CCDC15: variants seen among roughly 807,000 people sequenced by gnomAD.
CCDC15 encodes coiled-coil domain-containing protein 15.
A neutral mutation model predicts 114.5 loss-of-function variants in CCDC15; 105 were observed. The ratio of observed to expected loss-of-function variants is 0.92; its 90% CI spans 0.78 to 1.08. The LOEUF (loss-of-function observed/expected upper bound fraction) is 1.08. CCDC15 is among the 50% of genes least tolerant of loss of function. The pLI, the probability that CCDC15 is intolerant of heterozygous loss-of-function variation, is 0.00. For synonymous variants in CCDC15, 334 were observed against 377.8 expected, an observed-to-expected ratio of 0.88 and a Z score of 1.34; for missense variants, 1,105 against 1,093.6, an observed-to-expected ratio of 1.01 and a Z score of -0.15.
At chr11:124,986,960 G>A in intron 7 of CCDC15, 72 bp downstream of exon 7, 8 of 1,432,298 alleles carry the variant, frequency 5.6e-6, no homozygotes, top group African/African-American at 1.4e-5. Context: ...TACTGATTTA[G>A]GATTGTAGAT....
chr11:124,997,471 T>C (rs1402174075), intron 11 of CCDC15, among the ~76,000 whole-genome samples: 1 of 152,054 alleles, frequency 6.6e-6, no homozygotes. Context: ...TATATTTTTG[T>C]AGAGACAGGG....
intron 13 of CCDC15, among the ~76,000 whole-genome samples, chr11:125,026,917 T>C (rs1055460038): frequency 3.3e-5 from 5 of 152,088 alleles, no homozygotes; most frequent in Non-Finnish European, 7.4e-5. Flanking sequence ...GCCCCAGAAG[T>C]CCATTCTATT....
In CCDC15 at chr11:124,987,245, A is replaced by C. The variant is rs754029758; in HGVS notation, c.1019A>C (p.Gln340Pro). 2.7e-5 allele frequency: 42 copies of C among 1,570,256 alleles called. No homozygotes were observed. Among genetic ancestry groups the C allele is most frequent in the Non-Finnish European group, 8.6e-7 (1 of 1,163,710 alleles). Residue 340 changes from glutamine (Q) to proline (P), a missense_variant, in exon 8 of 16, where the codon CAA (glutamine) becomes CCA (proline). Coordinates refer to ENST00000344762, the MANE Select transcript of CCDC15 (RefSeq NM_025004.3). ...GCCCAGGATTATTTTCTAGAAGCCC[A>C]AGGTGATTTGCTGGAAACCCAGGGT... ...PEAQDYFLEAQGDLLETQGDL... is the reference protein window; with the variant it reads ...PEAQDYFLEAPGDLLETQGDL...
chr11:124,999,698 T>C (rs1280580186), intron 11 of CCDC15, among the ~76,000 whole-genome samples: 1 of 152,074 alleles, frequency 6.6e-6, no homozygotes, highest in Non-Finnish European at 1.5e-5. Context: ...CTTTACCTCA[T>C]AGATAAAGTA....
intron 6 of CCDC15, among the ~76,000 whole-genome samples, chr11:124,981,952 T>G (rs1948079604): frequency 6.6e-6 from 1 of 152,188 alleles, no homozygotes; most frequent in African/African-American, 2.4e-5. Flanking sequence ...AAGAACTTGC[T>G]TTATGAATCT....
chr11:125,017,295 C>G (rs1948634876), intron 13 of CCDC15, among the ~76,000 whole-genome samples: 1 of 152,130 alleles, frequency 6.6e-6, no homozygotes, highest in African/African-American at 2.4e-5. Context: ...TGATCCCTGT[C>G]TTCAAGGATC....
rs1322965561 is a variant in CCDC15, at chr11:124,987,680, A to T, written c.1454A>T (p.His485Leu). The T allele has an allele frequency of 6.2e-7, 1 of 1,613,826 alleles. No homozygotes were observed. The highest frequency in any genetic ancestry group is 8.5e-7 in the Non-Finnish European group (1 of 1,179,858). Reference sequence around the variant, plus strand: ...CAGAATTTTTTATCTAGAGACCAGCATGTTCTCCCCAAAGACCAAGATATT... The same window carrying T: ...CAGAATTTTTTATCTAGAGACCAGCTTGTTCTCCCCAAAGACCAAGATATT... ...KDQNFLSRDQ[H>L]VLPKDQDILP... The change falls in exon 8 of 16, where the codon CAT becomes CTT. Residue 485 changes from histidine to leucine, a missense_variant. Coordinates refer to ENST00000344762, the MANE Select transcript of CCDC15 (RefSeq NM_025004.3).
At chr11:124,970,435 T>C (rs1205963140) in intron 4 of CCDC15, among the ~76,000 whole-genome samples, 1 of 152,222 alleles carries the variant, frequency 6.6e-6, no homozygotes, top group Non-Finnish European at 1.5e-5. Context: ...ACTTTTAATG[T>C]ATGGTATTTT....
intron 2 of CCDC15, 99 bp from the exon 3 acceptor site, chr11:124,959,016 C>T (rs1287401978): frequency 2.8e-6 from 2 of 705,322 alleles, no homozygotes; most frequent in Non-Finnish European, 4.3e-6. Context: ...TTATTTTTTT[C>T]AGGATTGTAT....
intron 13 of CCDC15, among the ~76,000 whole-genome samples, chr11:125,005,896 T>C (rs953621395): frequency 2.6e-5 from 4 of 152,200 alleles, no homozygotes; most frequent in African/African-American, 4.8e-5. Context: ...GCTTGATAGC[T>C]CATTTATTTT....
Position 124,988,092 on chromosome 11 carries a change from T to TC in CCDC15, c.1867dup (p.Leu623ProfsTer19). 4 of 1,613,780 alleles carry TC rather than the reference T, an allele frequency of 2.5e-6. No homozygotes were observed. The South Asian group carries it at 4.4e-5, about 18-fold the overall frequency. ...ATGTTCTCTCCAACGACCAGAATAT[T>TC]CTACCCAAATGTCAGGACCAAGATT... On this transcript the variant is annotated frameshift_variant, in exon 8 of 16. Transcript: ENST00000344762. LOFTEE classifies it high-confidence loss of function.
At chr11:124,993,590 G>A (rs1948308484) in intron 11 of CCDC15, among the ~76,000 whole-genome samples, 1 of 152,148 alleles carries the variant, frequency 6.6e-6, no homozygotes, top group African/African-American at 2.4e-5. Flanking sequence ...CGTGATATGA[G>A]AGATGAGAGA....
At chr11:125,000,791 G>A (rs1591602050) in intron 11 of CCDC15, among the ~76,000 whole-genome samples, 1 of 152,250 alleles carries the variant, frequency 6.6e-6, no homozygotes, top group East Asian at 1.9e-4. Context: ...CATAGTGGTT[G>A]TGTTATATAA....
At chr11:124,976,433 G>A (rs1352194491) in intron 5 of CCDC15, among the ~76,000 whole-genome samples, 1 of 152,006 alleles carries the variant, frequency 6.6e-6, no homozygotes, top group Non-Finnish European at 1.5e-5. Flanking sequence ...TCCCACGTGC[G>A]TTTATATGGT....
At chr11:124,996,772 C>T (rs531844864) in intron 11 of CCDC15, among the ~76,000 whole-genome samples, 4 of 152,288 alleles carry the variant, frequency 2.6e-5, no homozygotes, top group South Asian at 2.1e-4. Flanking sequence ...TGATTACTCT[C>T]GGTACCTCAT....
chr11:124,996,296 A>C (rs534809958), intron 11 of CCDC15, among the ~76,000 whole-genome samples: 5 of 152,266 alleles, frequency 3.3e-5, no homozygotes, highest in African/African-American at 1.2e-4. Flanking sequence ...CTGCACCCCC[A>C]TATTCTCAAC....
chr11:125,029,087 T>C (rs1948722434), intron 13 of CCDC15, among the ~76,000 whole-genome samples: 1 of 152,166 alleles, frequency 6.6e-6, no homozygotes, highest in African/African-American at 2.4e-5. Context: ...TAGGCCGGTC[T>C]TTCTTTTTAC....
intron 13 of CCDC15, among the ~76,000 whole-genome samples, chr11:125,014,547 C>A (rs1948615799): frequency 6.6e-6 from 1 of 151,744 alleles, no homozygotes; most frequent in Non-Finnish European, 1.5e-5. Flanking sequence ...GAGAATTTCA[C>A]CAAAGAAATG....
chr11:124,971,322 T>C (rs183052935), intron 4 of CCDC15, among the ~76,000 whole-genome samples: 1 of 152,242 alleles, frequency 6.6e-6, no homozygotes. Context: ...CACAAAGATG[T>C]GGAGAAACCA....
Sources: gnomAD v4.1 joint callset for allele counts (sites outside exome capture counted in the v4.1 genomes callset) on GRCh38, gnomAD v4.1.1 for gene constraint, MANE v1.5 for transcripts, NCBI Gene and HGNC (gene_info 2026-07-23, HGNC 2026-07-21) for gene names.